The following MED12L variants were observed in gnomAD, a reference collection of about 807,000 sequenced individuals.
MED12L encodes mediator complex subunit 12L.
A neutral mutation model predicts 281.3 loss-of-function variants in MED12L; 60 were observed. That is an observed-to-expected ratio of 0.21 (90% CI 0.17 to 0.26). The LOEUF is 0.26. MED12L is among the 10% of genes least tolerant of loss of function. The pLI, the probability that MED12L is intolerant of heterozygous loss-of-function variation, is 1.00. For missense variants in MED12L, 2,146 were observed against 2,680.9 expected (o/e 0.80, Z 4.41); for synonymous variants, 974 against 987.2 (o/e 0.99, Z 0.25).
Position 151,289,384 on chromosome 3 carries a change from A to G in MED12L, c.2251-60675A>G, listed in dbSNP as rs116505543. Among the ~76,000 whole-genome samples the G allele has an allele frequency of 5.8e-3, 876 of 152,346 alleles. 6 individuals are homozygous for G. The highest frequency in any genetic ancestry group is 0.02 in the African/African-American group (841 of 41,582). ...ACAATTCTATAAGGCATAGAAAAAGATACTCACTCTGTATTATAAGTTATA... is the reference window on the plus strand; with the variant it reads ...ACAATTCTATAAGGCATAGAAAAAGGTACTCACTCTGTATTATAAGTTATA... On this transcript the variant is annotated intron_variant, in intron 16 of 44. Coordinates refer to ENST00000687756, the MANE Select transcript of MED12L (RefSeq NM_001393769.1).
chr3:151,159,778 T>C, intron 7 of MED12L, 54 bp from the exon 8 acceptor site: 1 of 1,512,516 alleles, frequency 6.6e-7, no homozygotes, highest in Non-Finnish European at 8.9e-7. Flanking sequence ...AAAATAGTTA[T>C]TTAACCAAGA....
chr3:151,213,858 A>G (rs966935378), intron 16 of MED12L: 34 of 1,614,046 alleles, frequency 2.1e-5, no homozygotes, highest in Middle Eastern at 1.6e-4. Context: ...TATTTGGAAC[A>G]GCAAGGAGGA....
chr3:151,411,149 T>G (rs752578146), intron 40 of MED12L, 129 bp from the exon 41 acceptor site: 1 of 733,176 alleles, frequency 1.4e-6, no homozygotes, highest in Non-Finnish European at 2.3e-6. Flanking sequence ...TTTTGAGTTA[T>G]GAGAACCTTT....
intron 16 of MED12L, among the ~76,000 whole-genome samples, chr3:151,287,834 A>G (rs898458227): frequency 6.6e-6 from 1 of 152,226 alleles, no homozygotes; most frequent in African/African-American, 2.4e-5. Flanking sequence ...ATCTACAGTT[A>G]TCTTTCAAAT....
intron 16 of MED12L, among the ~76,000 whole-genome samples, chr3:151,218,591 G>T (rs570127189): frequency 6.6e-6 from 1 of 152,074 alleles, no homozygotes; most frequent in East Asian, 1.9e-4. Flanking sequence ...TACTGTGGCC[G>T]GGCACGGTGG....
chr3:151,369,285 T>C (rs1437791220), intron 25 of MED12L, 151 bp from the exon 26 acceptor site: 1 of 494,272 alleles, frequency 2.0e-6, no homozygotes, highest in Admixed American at 3.5e-5. Flanking sequence ...ACTGGCCATG[T>C]TTCTTAGTGA....
intron 2 of MED12L, among the ~76,000 whole-genome samples, chr3:151,113,103 G>A (rs952821010): frequency 6.6e-6 from 1 of 152,168 alleles, no homozygotes; most frequent in African/African-American, 2.4e-5. Context: ...TGAAGGATTA[G>A]GAATGCTGGG....
chr3:151,204,146 G>C (rs181202888), intron 16 of MED12L, among the ~76,000 whole-genome samples: 78 of 152,256 alleles, frequency 5.1e-4, no homozygotes, highest in African/African-American at 1.8e-3. Context: ...GCCATTGCCT[G>C]GTTATTTAGG....
At chr3:151,195,502 T>A (rs1274652129) in intron 16 of MED12L, among the ~76,000 whole-genome samples, 1 of 152,158 alleles carries the variant, frequency 6.6e-6, no homozygotes, top group Non-Finnish European at 1.5e-5. Context: ...TTTGTTCTTA[T>A]CTATCACTGC....
chr3:151,189,559 T>G (rs553876129), intron 13 of MED12L, among the ~76,000 whole-genome samples: 1 of 152,234 alleles, frequency 6.6e-6, no homozygotes, highest in Admixed American at 6.5e-5. Context: ...CTCCTGTGTC[T>G]TTGCTAGTTC....
chr3:151,313,207 G>T (rs1435108128), intron 16 of MED12L, among the ~76,000 whole-genome samples: 2 of 152,096 alleles, frequency 1.3e-5, no homozygotes, highest in Admixed American at 1.3e-4. Flanking sequence ...CAGAAGTTTG[G>T]TATTCATGTG....
Position 151,413,264 on chromosome 3 carries a change from C to T in MED12L, c.6266C>T (p.Pro2089Leu), listed in dbSNP as rs751739094. 1.1e-5 allele frequency: 17 copies of T among 1,613,930 alleles called. No individual in the cohort carries two copies. The African/African-American group carries it at 1.1e-4, about 10-fold the overall frequency. ...LPQDPMRPRQ[P>L]QVRQQQRLLQ... ...CAGGATCCCATGAGACCCAGACAGC[C>T]GCAAGTTCGACAGCAGCAGAGACTC... The change falls in exon 42 of 45, where the codon CCG becomes CTG. Residue 2089 changes from proline to leucine, a missense_variant. Pro to Leu is a moderately conservative substitution (Grantham distance 98). This residue lies in a region of MED12L where 496 missense variants were observed against 512.0 expected (regional missense o/e 0.97). Transcript: ENST00000687756.
intron 37 of MED12L, 145 bp from the exon 38 acceptor site, chr3:151,389,834 C>G: frequency 9.0e-5 from 61 of 675,108 alleles, no homozygotes; most frequent in East Asian, 1.4e-4. Context: ...TTTATTAGCA[C>G]TCTTCCTTCC....
chr3:151,360,519 T>G lies in MED12L; in HGVS notation c.2871T>G (p.Ser957=). ...VKHVVNPSEC[S]SPERCILAYL... ...ATGTCGTAAACCCCTCAGAATGTTC[T>G]TCCCCTGAAAGATGCATTTTAGCCT... is the stretch of plus-strand genomic sequence containing the variant. The change falls in exon 21 of 45, where the codon TCT becomes TCG. Residue 957 remains serine (S), a synonymous_variant. Coordinates refer to ENST00000687756, the MANE Select transcript of MED12L (RefSeq NM_001393769.1). 1.9e-6 allele frequency: 3 copies of G among 1,612,974 alleles called. No individual in the cohort carries two copies. The highest frequency in any genetic ancestry group is 2.5e-6 in the Non-Finnish European group (3 of 1,179,134).
chr3:151,264,683 C>T (rs529557443), intron 16 of MED12L, among the ~76,000 whole-genome samples: 9 of 152,282 alleles, frequency 5.9e-5, no homozygotes, highest in African/African-American at 1.9e-4. Context: ...CCAGCCTGTG[C>T]CCCCTACCCC....
chr3:151,231,375 A>G (rs1041385971), intron 16 of MED12L, among the ~76,000 whole-genome samples: 6 of 152,198 alleles, frequency 3.9e-5, no homozygotes, highest in African/African-American at 9.7e-5. Flanking sequence ...TAGAGTAATA[A>G]AAAGTATACC....
chr3:151,419,845 T>C (rs11929412), intron 43 of MED12L, among the ~76,000 whole-genome samples: 106,500 of 152,082 alleles, frequency 0.7, 37,907 homozygotes, highest in Middle Eastern at 0.89. Context: ...TGTCACATGA[T>C]AAAGGAAAAG....
intron 16 of MED12L, among the ~76,000 whole-genome samples, chr3:151,205,669 T>A (rs550189526): frequency 6.6e-6 from 1 of 152,246 alleles, no homozygotes; most frequent in East Asian, 1.9e-4. Context: ...AGATTCTGCC[T>A]CTTACAGATG....
intron 16 of MED12L, among the ~76,000 whole-genome samples, chr3:151,313,364 T>C (rs78631372): frequency 0.01 from 1,544 of 152,272 alleles, 25 homozygotes; most frequent in African/African-American, 0.035. Context: ...ACAATAAGTC[T>C]ATATCATTTT....
Sources: gnomAD v4.1 joint callset for allele counts (sites outside exome capture counted in the v4.1 genomes callset) on GRCh38, gnomAD v4.1.1 for gene constraint, gnomAD v4.1.1 regional missense constraint, MANE v1.5 for transcripts, NCBI Gene and HGNC (gene_info 2026-07-23, HGNC 2026-07-21) for gene names.